Variants in WDR93 observed in about 807,000 individuals in gnomAD.
The protein encoded by WDR93 is WD repeat-containing protein 93.
WDR93 carries 73 observed loss-of-function variants against 82.9 expected under a neutral mutation model. That is an observed-to-expected ratio of 0.88 (90% CI 0.73 to 1.07). The LOEUF is 1.07. Among genes scored for constraint, WDR93 ranks in the 50% least tolerant of loss-of-function variants. WDR93 has a pLI of 0.00. For missense variants in WDR93, 738 were observed against 826.0 expected (o/e 0.89, Z 1.31); for synonymous variants, 283 against 300.1 (o/e 0.94, Z 0.59).
chr15:89,701,656 T>C, intron 1 of WDR93, 51 bp from the exon 2 acceptor site: 1 of 1,457,068 alleles, frequency 6.9e-7, no homozygotes, highest in Non-Finnish European at 9.3e-7. Context: ...ATGTGCTATC[T>C]TCTCATTGCT....
chr15:89,722,231 C>T (rs962304931), intron 8 of WDR93, 92 bp downstream of exon 8: 30 of 1,041,592 alleles, frequency 2.9e-5, no homozygotes, highest in Admixed American at 5.4e-5. Flanking sequence ...TTATTAGCAA[C>T]GATATCAAAA....
At chr15:89,712,693 T>C (rs777167547) in intron 5 of WDR93, among the ~76,000 whole-genome samples, 2 of 152,200 alleles carry the variant, frequency 1.3e-5, no homozygotes, top group Non-Finnish European at 2.9e-5. Flanking sequence ...CATGACTCAC[T>C]ACTGCTAATA....
intron 4 of WDR93, among the ~76,000 whole-genome samples, chr15:89,707,528 G>A (rs1373258686): frequency 6.6e-6 from 1 of 152,026 alleles, no homozygotes; most frequent in African/African-American, 2.4e-5. Context: ...CAGCCTGGGT[G>A]ACAGAGCAAG....
At chr15:89,697,189 C>T (rs977638970) in intron 1 of WDR93, among the ~76,000 whole-genome samples, 1 of 151,186 alleles carries the variant, frequency 6.6e-6, no homozygotes, top group Non-Finnish European at 1.5e-5. Context: ...AGACTCCTGG[C>T]CTCAAGCAAT....
In WDR93 at chr15:89,701,953, C is replaced by T; in HGVS notation, c.207C>T (p.Asp69=). The part of the protein sequence containing the change: ...MINKLVNLLF[D]QSWEIIEERN... ...ACAAGCTGGTGAACCTTCTGTTTGA[C>T]CAGTCTTGGGAAATTATTGAAGAGA... Residue 69 remains aspartate (D), a synonymous_variant, in exon 2 of 17, where the codon GAC becomes GAT. Coordinates refer to ENST00000268130, the MANE Select transcript of WDR93 (RefSeq NM_020212.2). 1 of 1,614,072 alleles carries T rather than the reference C, an allele frequency of 6.2e-7. No homozygotes were observed. The highest frequency in any genetic ancestry group is 8.5e-7 in the Non-Finnish European group (1 of 1,180,034).
At chr15:89,731,669 T>G in intron 12 of WDR93, 107 bp downstream of exon 12, 1 of 1,480,152 alleles carries the variant, frequency 6.8e-7, no homozygotes, top group Non-Finnish European at 9.1e-7. Context: ...ACCTCTGTGT[T>G]CTTAAAGTCA....
Position 89,727,637 on chromosome 15 carries a change from T to C in WDR93, c.1052+309T>C, listed in dbSNP as rs149445867. 2.0e-4 allele frequency among the ~76,000 whole-genome samples: 31 copies of C among 152,316 alleles called. 1 individual carries two copies. The highest frequency in any genetic ancestry group is 6.5e-4 in the African/African-American group (27 of 41,568). ...GATATTTTGAAATGTTGTGTGGAGA[T>C]TGTTACTATATAGTTAGAACAAAGG... On this transcript the variant is annotated intron_variant, in intron 9 of 16. Transcript: ENST00000268130.
In WDR93 at chr15:89,731,417, C is replaced by A. The variant is rs199862260; in HGVS notation, c.1211-26C>A. 5.6e-6 allele frequency: 9 copies of A among 1,613,228 alleles called. No individual in the cohort carries two copies. The African/African-American group carries it at 1.1e-4, about 19-fold the overall frequency. On this transcript the variant is annotated intron_variant, in intron 11 of 16. Transcript: ENST00000268130. ...GGGTAGGTGCAGAGTCTGGGGGAAC[C>A]GGTTGAGTATTGTCCTTCCCCCTAG...
chr15:89,733,321 T>C, intron 13 of WDR93, 102 bp downstream of exon 13: 1 of 1,084,658 alleles, frequency 9.2e-7, no homozygotes, highest in East Asian at 2.5e-5. Context: ...AGTCCACCTT[T>C]TGTATAGTCA....
chr15:89,691,290 G>A (rs1160620950), intron 1 of WDR93, among the ~76,000 whole-genome samples: 1 of 152,216 alleles, frequency 6.6e-6, no homozygotes, highest in Non-Finnish European at 1.5e-5. Flanking sequence ...TCCTAAAAGA[G>A]TCATTATGAG....
intron 3 of WDR93, chr15:89,703,886 C>G (rs972923155): frequency 6.6e-6 from 1 of 152,312 alleles, no homozygotes; most frequent in South Asian, 2.1e-4. Context: ...GAAGAACTTT[C>G]TGCAGGAGAG....
At position 89,737,581 on chromosome 15, in the gene WDR93, CT is replaced by C. The variant is rs777328028; in HGVS notation, c.1621del (p.Ser541ProfsTer207). 3.6e-4 allele frequency: 586 copies of C among 1,614,220 alleles called. No individual in the cohort carries two copies. Among genetic ancestry groups the C allele is most frequent in the Admixed American group, 5.5e-4 (33 of 60,026 alleles). ...VPALPGMVLI[F>X]SKNGSVCLMD... ...ATCTCTTTGCTTCCCAGGTGCTCAT[CT>C]TTTCCAAGAATGGCTCTGTGTGCCT... On this transcript the variant is annotated frameshift_variant, in exon 15 of 17. Coordinates refer to ENST00000268130, the MANE Select transcript of WDR93 (RefSeq NM_020212.2). LOFTEE classifies it high-confidence loss of function.
At chr15:89,711,442 C>G (rs1965970600) in intron 4 of WDR93, among the ~76,000 whole-genome samples, 1 of 150,998 alleles carries the variant, frequency 6.6e-6, no homozygotes, top group South Asian at 2.1e-4. Flanking sequence ...GGGAAGATCA[C>G]TTGCAAGCCA....
Position 89,733,028 on chromosome 15 carries a change from T to C in WDR93, c.1353T>C (p.Ala451=), listed in dbSNP as rs1966888361. 1.9e-6 allele frequency: 3 copies of C among 1,614,200 alleles called. No individual in the cohort carries two copies. Among genetic ancestry groups the C allele is most frequent in the Non-Finnish European group, 2.5e-6 (3 of 1,180,022 alleles). ...TAGGATTCCCTCTTGGGGTCGCTGC[T>C]CTTCCTCAGGGATGTTTCTGCCAAA... ...LAKGFPLGVA[A]LPQGCFCQSI... is the part of the protein sequence containing the mutation. The change falls in exon 13 of 17, where the codon GCT becomes GCC. Residue 451 remains alanine (A), a synonymous_variant. Coordinates refer to ENST00000268130, the MANE Select transcript of WDR93 (RefSeq NM_020212.2).
intron 14 of WDR93, among the ~76,000 whole-genome samples, chr15:89,737,065 A>G (rs899241986): frequency 6.6e-6 from 1 of 152,206 alleles, no homozygotes; most frequent in Non-Finnish European, 1.5e-5. Context: ...TGCTGGGATT[A>G]CAGGCATGAG....
chr15:89,735,724 A>G (rs1030229120), intron 14 of WDR93, among the ~76,000 whole-genome samples, 171 bp downstream of exon 14: 1 of 152,246 alleles, frequency 6.6e-6, no homozygotes, highest in African/African-American at 2.4e-5. Context: ...CATGGAGCAC[A>G]CAGCTCATTT....
At chr15:89,707,615 AAAGG>A (rs547152485) in intron 4 of WDR93, among the ~76,000 whole-genome samples, 7 of 146,502 alleles carry the variant, frequency 4.8e-5, no homozygotes, top group Non-Finnish European at 7.6e-5. Flanking sequence ...ACAAAGAAAA[AAAGG>A]AAAATAAAAA....
rs544313621 is a variant in WDR93 at position 89,707,731 on chromosome 15, G to A, written c.561+2113G>A. ...AAAGTATAATAGTACAACCACTTTG[G>A]CAGTTTCTTCAAAAGTTAAACATGT... On this transcript the variant is annotated intron_variant, in intron 4 of 16. Coordinates refer to ENST00000268130, the MANE Select transcript of WDR93 (RefSeq NM_020212.2). Among the ~76,000 whole-genome samples, 255 of 152,304 alleles carry A rather than the reference G, an allele frequency of 1.7e-3. 3 individuals are homozygous for A. The highest frequency in any genetic ancestry group is 5.2e-3 in the African/African-American group (218 of 41,566).
chr15:89,730,024 G>A (rs1017873906), intron 11 of WDR93, among the ~76,000 whole-genome samples: 2 of 152,126 alleles, frequency 1.3e-5, no homozygotes, highest in Non-Finnish European at 2.9e-5. Flanking sequence ...AGCAGCTAAG[G>A]TAAAAAGAGA....
Sources: gnomAD v4.1 joint callset for allele counts (sites outside exome capture counted in the v4.1 genomes callset) on GRCh38, gnomAD v4.1.1 for gene constraint, MANE v1.5 for transcripts, NCBI Gene and HGNC (gene_info 2026-07-23, HGNC 2026-07-21) for gene names.